The following USP9X variants were observed in gnomAD, a reference collection of about 807,000 sequenced individuals.
USP9X encodes the protein ubiquitin specific peptidase 9 X-linked, also known as ubiquitin carboxyl-terminal hydrolase 9X.
In USP9X, 7 loss-of-function variants were observed where a neutral mutation model predicts 190.3. The ratio of observed to expected loss-of-function variants is 0.04; its 90% CI spans 0.02 to 0.07. The LOEUF (loss-of-function observed/expected upper bound fraction) is 0.07, where lower values mean the gene tolerates loss of function less well. USP9X is among the 10% of genes least tolerant of loss of function. The pLI, the probability that USP9X is intolerant of heterozygous loss-of-function variation, is 1.00. For missense variants in USP9X, 1,010 were observed against 1,916.9 expected, an observed-to-expected ratio of 0.53 and a Z score of 8.83; for synonymous variants, 645 against 659.5, an observed-to-expected ratio of 0.98 and a Z score of 0.34.
chrX:41,160,902 G>A (rs759621840), intron 14 of USP9X, among the ~76,000 whole-genome samples: 34 of 111,633 alleles, frequency 3.0e-4, no homozygotes, highest in Non-Finnish European at 6.4e-4. Context: ...TGATGAACTC[G>A]AATATGGACC....
chrX:41,129,193 C>T, intron 3 of USP9X, 48 bp downstream of exon 3: 1 of 1,147,545 alleles, frequency 8.7e-7, no homozygotes. Context: ...AGGAAAGTAA[C>T]CCCACTGCCT....
intron 1 of USP9X, among the ~76,000 whole-genome samples, chrX:41,104,835 G>A (rs1038633710): frequency 9.0e-6 from 1 of 111,321 alleles, no homozygotes; most frequent in Non-Finnish European, 1.9e-5. Flanking sequence ...TCTGTTGTCG[G>A]CCTGTCTGCT....
intron 1 of USP9X, among the ~76,000 whole-genome samples, chrX:41,089,854 G>A (rs1199939487): frequency 9.4e-6 from 1 of 106,612 alleles, no homozygotes; most frequent in South Asian, 4.2e-4. Flanking sequence ...ATTCTGCATG[G>A]TGGGGGCATG....
intron 15 of USP9X, among the ~76,000 whole-genome samples, chrX:41,164,715 A>G (rs2062663918): frequency 8.9e-6 from 1 of 112,274 alleles, no homozygotes; most frequent in Non-Finnish European, 1.9e-5. Flanking sequence ...AAGAAACCCA[A>G]GATTCCAATG....
chrX:41,192,728 G>A (rs1272018908), intron 26 of USP9X, among the ~76,000 whole-genome samples: 1 of 111,468 alleles, frequency 9.0e-6, no homozygotes, highest in Non-Finnish European at 1.9e-5. Flanking sequence ...AATACCTATT[G>A]TCTACAAGAC....
intron 1 of USP9X, among the ~76,000 whole-genome samples, chrX:41,108,034 G>A (rs1215701429): frequency 8.9e-5 from 10 of 111,931 alleles, no homozygotes; most frequent in African/African-American, 3.2e-4. Flanking sequence ...ACATTCTTCT[G>A]TGCATGTCTT....
In USP9X at chrX:41,189,452, C is replaced by G; in HGVS notation, c.3954C>G (p.Asp1318Glu). The change falls in exon 26 of 45, where the codon GAC (aspartate) becomes GAG (glutamate). Residue 1318 changes from aspartate to glutamate, a missense_variant. Around this residue, in one of 11 missense-constraint regions of USP9X, gnomAD observed 351 missense variants for 480.8 expected, o/e 0.73. Transcript: ENST00000378308. ...KEKAWQTFII[D>E]LLLHCHSKTV... ...AGGCTTGGCAGACATTCATCATTGA[C>G]TTACTATTGCACTGTCACAGCAAGT... 8.3e-7 allele frequency: 1 copy of G among 1,209,098 alleles called. No homozygotes were observed. Among genetic ancestry groups the G allele is most frequent in the East Asian group, 3.0e-5 (1 of 33,841 alleles).
Position 41,216,384 on chromosome X carries a change from C to T in USP9X, c.5817C>T (p.Tyr1939=). The T allele has an allele frequency of 8.3e-7, 1 of 1,211,552 alleles. No homozygotes were observed. The highest frequency in any genetic ancestry group is 1.1e-6 in the Non-Finnish European group (1 of 895,520). Residue 1939 remains tyrosine (Y), a synonymous_variant, in exon 35 of 45, where the codon TAC becomes TAT. Coordinates refer to ENST00000378308, the MANE Select transcript of USP9X (RefSeq NM_001039591.3). ...ATCACATGATGAAGCGTATGTCATA[C>T]AGGCGCCAGAAAAGGTGGTGGAATG... is the stretch of plus-strand genomic sequence containing the variant. ...VFDHMMKRMS[Y]RRQKRWWNAY...
chrX:41,095,236 A>G (rs2061981251), intron 1 of USP9X, among the ~76,000 whole-genome samples: 1 of 111,579 alleles, frequency 9.0e-6, no homozygotes, highest in Admixed American at 9.5e-5. Context: ...AGGTGTGAAA[A>G]GTGTAGTAGG....
At chrX:41,192,657 C>A (rs1405932184) in intron 26 of USP9X, among the ~76,000 whole-genome samples, 1 of 111,447 alleles carries the variant, frequency 9.0e-6, no homozygotes, top group East Asian at 2.8e-4. Context: ...AAGGTCTAAG[C>A]AGTGTTTGAT....
intron 1 of USP9X, 67 bp from the exon 2 acceptor site, chrX:41,123,404 C>T (rs759520188): frequency 2.5e-5 from 9 of 366,892 alleles, no homozygotes; most frequent in African/African-American, 1.0e-4. Flanking sequence ...ATACTAAATT[C>T]GAACAGTTCC....
chrX:41,103,569 A>G (rs1020367947), intron 1 of USP9X, among the ~76,000 whole-genome samples: 2 of 112,295 alleles, frequency 1.8e-5, no homozygotes, highest in African/African-American at 6.5e-5. Context: ...ATACACTGCC[A>G]TCTGTCACGT....
intron 5 of USP9X, 37 bp downstream of exon 5, chrX:41,134,874 C>T (rs974822935): frequency 4.8e-6 from 5 of 1,036,329 alleles, no homozygotes; most frequent in East Asian, 3.0e-5. Context: ...ATCAGATTTA[C>T]ATAGTGATGC....
At chrX:41,173,453 C>T (rs2062745531) in intron 21 of USP9X, among the ~76,000 whole-genome samples, 1 of 111,801 alleles carries the variant, frequency 8.9e-6, no homozygotes, top group Admixed American at 9.5e-5. Flanking sequence ...TTTGGAAATA[C>T]TTACAATCTT....
intron 20 of USP9X, among the ~76,000 whole-genome samples, chrX:41,170,912 A>G (rs1406292024): frequency 8.9e-6 from 1 of 111,928 alleles, no homozygotes; most frequent in Admixed American, 9.5e-5. Flanking sequence ...GAAAACAGTC[A>G]TCCCTCGTAT....
At chrX:41,232,266 G>A in intron 44 of USP9X, 121 bp from the exon 45 acceptor site, 1 of 774,214 alleles carries the variant, frequency 1.3e-6, no homozygotes, top group South Asian at 3.7e-5. Flanking sequence ...GTAGTCCAAG[G>A]GTATTTACAG....
chrX:41,154,404 A>G (rs1263040354), intron 14 of USP9X, among the ~76,000 whole-genome samples: 2 of 111,797 alleles, frequency 1.8e-5, no homozygotes, highest in African/African-American at 6.5e-5. Flanking sequence ...CACAGCCCTC[A>G]TGGTTGCCAA....
At chrX:41,130,446 T>C (rs926965559) in intron 3 of USP9X, among the ~76,000 whole-genome samples, 3 of 109,320 alleles carry the variant, frequency 2.7e-5, no homozygotes, top group Admixed American at 9.7e-5. Flanking sequence ...GGGAGAAAAA[T>C]ACAAATGATT....
chrX:41,180,697 A>G (rs2062817638), intron 21 of USP9X, among the ~76,000 whole-genome samples: 2 of 112,113 alleles, frequency 1.8e-5, no homozygotes, highest in Admixed American at 9.4e-5. Context: ...ATTAAATGAA[A>G]CAATGTATGG....
Sources: allele counts gnomAD v4.1 joint callset (sites outside exome capture counted in the v4.1 genomes callset), GRCh38; gene constraint gnomAD v4.1.1; regional missense constraint gnomAD v4.1.1; transcripts MANE v1.5; gene names NCBI Gene and HGNC (gene_info 2026-07-23, HGNC 2026-07-21).